The following SIN3A variants were observed in gnomAD, a reference collection of about 807,000 sequenced individuals.
SIN3A encodes the protein paired amphipathic helix protein Sin3a.
A neutral mutation model predicts 146.1 loss-of-function variants in SIN3A; 14 were observed. That is an observed-to-expected ratio of 0.10 (90% CI 0.06 to 0.15). The LOEUF (loss-of-function observed/expected upper bound fraction) is 0.15. SIN3A is among the 10% of genes least tolerant of loss of function. The pLI is 1.00. For synonymous variants in SIN3A, 572 were observed against 572.0 expected (o/e 1.00, Z 0.00); for missense variants, 1,028 against 1,576.0 (o/e 0.65, Z 5.89).
At chr15:75,453,544 TC>T (rs1056239690), upstream of SIN3A, 1 of 152,276 alleles carries the variant, frequency 6.6e-6, no homozygotes, top group African/African-American at 2.4e-5. Context: ...GCCCACGACT[TC>T]CCGTGAACAC....
chr15:75,410,734 A>C (rs2073619420), intron 6 of SIN3A, among the ~76,000 whole-genome samples: 1 of 152,030 alleles, frequency 6.6e-6, no homozygotes, highest in Non-Finnish European at 1.5e-5. Context: ...ACTGAGTTTC[A>C]TTTCATGGGA....
At chr15:75,411,325 C>T (rs1040531039) in intron 6 of SIN3A, among the ~76,000 whole-genome samples, 167 bp downstream of exon 6, 1 of 152,092 alleles carries the variant, frequency 6.6e-6, no homozygotes, top group African/African-American at 2.4e-5. Context: ...AAGACTCCGT[C>T]TCGAAAAACA....
intron 3 of SIN3A, chr15:75,420,166 T>C (rs1045646045): frequency 6.6e-6 from 1 of 152,164 alleles, no homozygotes; most frequent in Admixed American, 6.6e-5. Context: ...TACAATCTTG[T>C]TGGGAGAGAA....
intron 20 of SIN3A, among the ~76,000 whole-genome samples, chr15:75,374,945 A>C (rs919451066): frequency 3.9e-5 from 6 of 152,194 alleles, no homozygotes; most frequent in African/African-American, 1.4e-4. Context: ...AGGGCCTGGC[A>C]TAACACCCTA....
chr15:75,404,080 G>A (rs1434304687), intron 9 of SIN3A, among the ~76,000 whole-genome samples: 1 of 152,190 alleles, frequency 6.6e-6, no homozygotes, highest in African/African-American at 2.4e-5. Context: ...TCCAAAATAA[G>A]TATTTAGCAC....
upstream of SIN3A, among the ~76,000 whole-genome samples, chr15:75,455,433 C>G (rs2074475513): frequency 6.6e-6 from 1 of 152,180 alleles, no homozygotes; most frequent in Non-Finnish European, 1.5e-5. Context: ...TCGGGGGTCT[C>G]CTGCCCGCCC....
At chr15:75,434,902 C>T (rs965321414) in intron 1 of SIN3A, among the ~76,000 whole-genome samples, 37 of 151,336 alleles carry the variant, frequency 2.4e-4, no homozygotes, top group African/African-American at 9.0e-4. Flanking sequence ...GAGCCGAGAT[C>T]GCGCCACTGC....
chr15:75,433,820 CAACAAACA>C (rs575973043), intron 1 of SIN3A, among the ~76,000 whole-genome samples: 4 of 151,868 alleles, frequency 2.6e-5, no homozygotes, highest in East Asian at 1.9e-4. Context: ...AAAACAACAA[CAACAAACA>C]AACAAACAAA....
chr15:75,446,382 T>G (rs546422948), intron 1 of SIN3A: 1 of 149,360 alleles, frequency 6.7e-6, no homozygotes, highest in African/African-American at 2.5e-5. Context: ...CAAAACAGCA[T>G]GAAGGCTGGG....
At chr15:75,422,150 A>G (rs1386754090) in intron 3 of SIN3A, 1 of 179,750 alleles carries the variant, frequency 5.6e-6, no homozygotes, top group Admixed American at 5.6e-5. Context: ...GAAGGCCAAG[A>G]TGGGAGAATC....
intron 16 of SIN3A, among the ~76,000 whole-genome samples, chr15:75,386,371 C>T (rs2073079112): frequency 6.6e-6 from 1 of 152,216 alleles, no homozygotes; most frequent in African/African-American, 2.4e-5. Context: ...ATTCCCCACC[C>T]ATACTCTCTT....
At chr15:75,453,414 A>T (rs2074439722), upstream of SIN3A, 1 of 152,508 alleles carries the variant, frequency 6.6e-6, no homozygotes, top group Non-Finnish European at 1.5e-5. Context: ...GCGGCACTCC[A>T]GCAGAACTGA....
chr15:75,374,361 T>C (rs1030654997), intron 20 of SIN3A, among the ~76,000 whole-genome samples: 3 of 152,168 alleles, frequency 2.0e-5, no homozygotes, highest in African/African-American at 7.2e-5. Context: ...CAGGCATGGT[T>C]TGAGACACAG....
intron 1 of SIN3A, among the ~76,000 whole-genome samples, chr15:75,431,189 G>C (rs929603937): frequency 6.6e-6 from 1 of 152,144 alleles, no homozygotes; most frequent in Non-Finnish European, 1.5e-5. Flanking sequence ...GCCAGGAATG[G>C]GAAGACAAAG....
chr15:75,437,090 C>T (rs2074120523), intron 1 of SIN3A, among the ~76,000 whole-genome samples: 1 of 152,152 alleles, frequency 6.6e-6, no homozygotes. Flanking sequence ...GATTTCCTCC[C>T]CGACAACAGC....
intron 17 of SIN3A, among the ~76,000 whole-genome samples, chr15:75,383,592 G>A (rs1245553801): frequency 6.6e-6 from 1 of 151,030 alleles, no homozygotes; most frequent in Non-Finnish European, 1.5e-5. Flanking sequence ...GCAGTGGCGC[G>A]ATCTCAGCTT....
chr15:75,428,764 T>C (rs915376814), intron 2 of SIN3A, among the ~76,000 whole-genome samples: 5 of 152,096 alleles, frequency 3.3e-5, no homozygotes, highest in African/African-American at 7.2e-5. Context: ...TCGCCAACTG[T>C]TGGGATTATG....
At position 75,384,440 on chromosome 15, in the gene SIN3A, G is replaced by A; in HGVS notation, c.3022-3C>T. On this transcript the variant is annotated splice_region_variant and splice_polypyrimidine_tract_variant and intron_variant, in intron 16 of 20. Coordinates refer to ENST00000394947, the MANE Select transcript of SIN3A (RefSeq NM_001145358.2). ...TCATCACTCACGATATGCTGCAGCT[G>A]GAAGCAAACAAAGGCAAGCTTTTAG... The A allele has an allele frequency of 1.2e-6, 2 of 1,600,260 alleles. No individual in the cohort carries two copies. The highest frequency in any genetic ancestry group is 1.1e-5 in the South Asian group (1 of 89,520).
chr15:75,407,414 C>T (rs2073535229), intron 8 of SIN3A, among the ~76,000 whole-genome samples: 1 of 152,150 alleles, frequency 6.6e-6, no homozygotes. Flanking sequence ...CATGACATTA[C>T]TGTGACAAAC....
Sources: gnomAD v4.1 joint callset for allele counts (sites outside exome capture counted in the v4.1 genomes callset) on GRCh38, gnomAD v4.1.1 for gene constraint, MANE v1.5 for transcripts, NCBI Gene and HGNC (gene_info 2026-07-23, HGNC 2026-07-21) for gene names.